ENPP1: variants seen among roughly 807,000 people sequenced by gnomAD.
ENPP1 encodes the protein ectonucleotide pyrophosphatase/phosphodiesterase family member 1.
A neutral mutation model predicts 122.8 loss-of-function variants in ENPP1; 73 were observed. That is an observed-to-expected ratio of 0.59 (90% CI 0.49 to 0.72). The LOEUF (loss-of-function observed/expected upper bound fraction) is 0.72. Among genes scored for constraint, ENPP1 ranks in the 30% least tolerant of loss-of-function variants. The pLI, the probability that ENPP1 is intolerant of heterozygous loss-of-function variation, is 0.00. For missense variants in ENPP1, 978 were observed against 1,128.1 expected (o/e 0.87, Z 1.91); for synonymous variants, 367 against 391.6 (o/e 0.94, Z 0.74).
Position 131,822,084 on chromosome 6 carries a change from G to A in ENPP1, c.240+13809G>A, listed in dbSNP as rs549969931. 2.3e-4 allele frequency among the ~76,000 whole-genome samples: 35 copies of A among 152,230 alleles called. No homozygotes were observed. The South Asian group carries it at 7.3e-3, about 32-fold the overall frequency. ...ACTCTGTTGGTCTTATCTACTTTTGGATTAGTCGGGGAAATAAGCAGGAAA... is the reference window on the plus strand; with the variant it reads ...ACTCTGTTGGTCTTATCTACTTTTGAATTAGTCGGGGAAATAAGCAGGAAA... On this transcript the variant is annotated intron_variant, in intron 1 of 24. Transcript: ENST00000647893.
At chr6:131,853,556 G>A (rs1028982436) in intron 5 of ENPP1, among the ~76,000 whole-genome samples, 8 of 152,048 alleles carry the variant, frequency 5.3e-5, no homozygotes, top group Admixed American at 3.3e-4. Context: ...TGTATGGACC[G>A]TTAAGACTAT....
chr6:131,840,958 T>C (rs1781731867), intron 1 of ENPP1, among the ~76,000 whole-genome samples: 1 of 152,226 alleles, frequency 6.6e-6, no homozygotes, highest in Non-Finnish European at 1.5e-5. Context: ...CAGTGCTGGA[T>C]GTCCCTTTTC....
chr6:131,866,248 C>T (rs1361261947), intron 11 of ENPP1, among the ~76,000 whole-genome samples: 3 of 152,070 alleles, frequency 2.0e-5, no homozygotes, highest in Middle Eastern at 3.2e-3. Context: ...AAAAAACACT[C>T]TTTCTTAATT....
At position 131,893,795 on chromosome 6, in the gene ENPP1, A is replaced by C. The variant is rs1270494367; in HGVS notation, c.*3284A>C. 1 of 152,080 alleles carries C rather than the reference A, an allele frequency of 6.6e-6. No individual in the cohort carries two copies. The highest frequency in any genetic ancestry group is 1.5e-5 in the Non-Finnish European group (1 of 68,010). The allele number at this position is 152,080 out of a possible 1,614,324, so 9.4% of individuals were successfully genotyped here. Reference sequence around the variant, plus strand: ...AAGAGTTTTAAACAGATAAGATGGCAAAAGTGACTGATCTCTACTCCCCCA... The same window carrying C: ...AAGAGTTTTAAACAGATAAGATGGCCAAAGTGACTGATCTCTACTCCCCCA... On this transcript the variant is annotated 3_prime_UTR_variant, in exon 25 of 25. Transcript: ENST00000647893.
At chr6:131,827,794 TG>T in intron 1 of ENPP1, 1 of 912,852 alleles carries the variant, frequency 1.1e-6, no homozygotes. Flanking sequence ...CCGCTGCAGG[TG>T]GGGCAATGAC....
intron 1 of ENPP1, among the ~76,000 whole-genome samples, chr6:131,835,789 A>C (rs1475054390): frequency 6.6e-6 from 1 of 152,092 alleles, no homozygotes; most frequent in Non-Finnish European, 1.5e-5. Context: ...TCATCATTTA[A>C]AGTAATTGTT....
chr6:131,851,056 A>G (rs1047599065), intron 3 of ENPP1, 86 bp from the exon 4 acceptor site: 8 of 1,462,096 alleles, frequency 5.5e-6, no homozygotes, highest in Middle Eastern at 2.3e-4. Context: ...CTCATGGATC[A>G]TACTCAGGAA....
intron 5 of ENPP1, 53 bp from the exon 6 acceptor site, chr6:131,854,873 A>T: frequency 8.1e-7 from 1 of 1,238,090 alleles, no homozygotes; most frequent in African/African-American, 1.5e-5. Context: ...TCTTCATTGG[A>T]TATGTCTTGT....
chr6:131,850,004 G>T lies in ENPP1; in HGVS notation c.328G>T (p.Gly110Cys). The change falls in exon 3 of 25, where the codon GGT becomes TGT. Residue 110 changes from glycine to cysteine, a missense_variant. Gly to Cys is a radical substitution (Grantham distance 159). Around this residue, in one of 3 missense-constraint regions of ENPP1, gnomAD observed 330 missense variants for 328.5 expected, o/e 1.00. Transcript: ENST00000647893. ...AATTTTTTCAGTTAAAAGTTGCAAAGGTCGCTGTTTCGAGAGAACATTTGG... is the reference window on the plus strand; with the variant it reads ...AATTTTTTCAGTTAAAAGTTGCAAATGTCGCTGTTTCGAGAGAACATTTGG... The part of the protein sequence containing the change: ...SCAKEVKSCK[G>C]RCFERTFGNC... 1 of 1,613,606 alleles carries T rather than the reference G, an allele frequency of 6.2e-7. No individual in the cohort carries two copies. Among genetic ancestry groups the T allele is most frequent in the Non-Finnish European group, 8.5e-7 (1 of 1,179,524 alleles).
At chr6:131,883,509 T>C (rs1782339025) in intron 21 of ENPP1, among the ~76,000 whole-genome samples, 185 bp from the exon 22 acceptor site, 1 of 152,216 alleles carries the variant, frequency 6.6e-6, no homozygotes, top group African/African-American at 2.4e-5. Flanking sequence ...TTCTTAAATA[T>C]TTTATTTTTG....
chr6:131,833,255 G>T (rs1245797500), intron 1 of ENPP1, among the ~76,000 whole-genome samples: 2 of 151,930 alleles, frequency 1.3e-5, no homozygotes, highest in Non-Finnish European at 2.9e-5. Flanking sequence ...TGTTCATTTT[G>T]TTGGGTAGGA....
At chr6:131,829,400 T>C (rs1781583840) in intron 1 of ENPP1, among the ~76,000 whole-genome samples, 1 of 152,194 alleles carries the variant, frequency 6.6e-6, no homozygotes, top group Admixed American at 6.5e-5. Flanking sequence ...AAAGATCTAA[T>C]TAAAATATGT....
rs1782499514 is a variant in ENPP1, at chr6:131,893,500, C to T, written c.*2989C>T. The T allele has an allele frequency of 6.6e-6, 1 of 152,232 alleles. No homozygotes were observed. Among genetic ancestry groups the T allele is most frequent in the Admixed American group, 6.5e-5 (1 of 15,290 alleles). 9.4% of individuals were successfully genotyped at this position (152,232 alleles called of 1,614,324 possible). ...GGCAAAGAAGGGACCTTCTAACATTCCTTGGATGGAACATTTTTGACATTT... is the reference window on the plus strand; with the variant it reads ...GGCAAAGAAGGGACCTTCTAACATTTCTTGGATGGAACATTTTTGACATTT... On this transcript the variant is annotated 3_prime_UTR_variant, in exon 25 of 25. Transcript: ENST00000647893.
In ENPP1 at chr6:131,870,544, C is replaced by G. The variant is rs573117308; in HGVS notation, c.1405+1055C>G. On this transcript the variant is annotated intron_variant, in intron 13 of 24. Transcript: ENST00000647893. ...AACTTTGAAACAGAAAGAGAATAAG[C>G]TTTTCTGACAATTACCGGAATTGGG... Among the ~76,000 whole-genome samples the G allele has an allele frequency of 2.0e-5, 3 of 152,188 alleles. No individual in the cohort carries two copies. In the South Asian group the frequency reaches 6.2e-4, roughly 32 times the overall value.
Position 131,860,473 on chromosome 6 carries a change from G to A in ENPP1, c.882G>A (p.Glu294=), listed in dbSNP as rs962842818. 2.5e-6 allele frequency: 4 copies of A among 1,600,482 alleles called. No individual in the cohort carries two copies. The African/African-American group carries it at 5.4e-5, about 21-fold the overall frequency. Residue 294 remains glutamate, a synonymous_variant, in exon 8 of 25, where the codon GAG becomes GAA. Coordinates refer to ENST00000647893, the MANE Select transcript of ENPP1 (RefSeq NM_006208.3). ...CTTCCTTTTCACTTAAAAGTAAAGA[G>A]AAATTTAATCCTGAGTGGTACAAAG... ...MNASFSLKSK[E]KFNPEWYKGE...
chr6:131,827,336 G>A, intron 1 of ENPP1: 1 of 1,251,476 alleles, frequency 8.0e-7, no homozygotes, highest in Non-Finnish European at 1.2e-6. Context: ...AGTCATTCTT[G>A]ACATCAGGGA....
chr6:131,812,121 TATG>T (rs1187266086), intron 1 of ENPP1, among the ~76,000 whole-genome samples: 1 of 152,204 alleles, frequency 6.6e-6, no homozygotes, highest in Admixed American at 6.5e-5. Flanking sequence ...ATCTAGCTAT[TATG>T]ATGAGTTTTT....
chr6:131,827,752 G>GT, intron 1 of ENPP1: 1 of 718,420 alleles, frequency 1.4e-6, no homozygotes, highest in East Asian at 2.8e-5. Flanking sequence ...GCCACTGGAA[G>GT]TTGGGCTTTC....
chr6:131,828,983 A>T (rs1421785065), intron 1 of ENPP1, among the ~76,000 whole-genome samples: 1 of 152,270 alleles, frequency 6.6e-6, no homozygotes, highest in Non-Finnish European at 1.5e-5. Context: ...GTATGTTCCA[A>T]AAATTATTTC....
Sources: gnomAD v4.1 joint callset for allele counts (sites outside exome capture counted in the v4.1 genomes callset) on GRCh38, gnomAD v4.1.1 for gene constraint, gnomAD v4.1.1 regional missense constraint, MANE v1.5 for transcripts, NCBI Gene and HGNC (gene_info 2026-07-23, HGNC 2026-07-21) for gene names.